COP1: variants seen among roughly 807,000 people sequenced by gnomAD.
COP1 encodes E3 ubiquitin-protein ligase COP1.
A neutral mutation model predicts 101.3 loss-of-function variants in COP1; 24 were observed. The ratio of observed to expected loss-of-function variants is 0.24; its 90% CI spans 0.17 to 0.33. The LOEUF (loss-of-function observed/expected upper bound fraction) is 0.33, where lower values mean the gene tolerates loss of function less well. COP1 is among the 10% of genes least tolerant of loss of function. The pLI is 1.00. For synonymous variants in COP1, 347 were observed against 341.9 expected (o/e 1.01, Z -0.17); for missense variants, 663 against 906.2 (o/e 0.73, Z 3.45).
intron 6 of COP1, among the ~76,000 whole-genome samples, chr1:176,139,677 G>C (rs989764503): frequency 6.6e-6 from 1 of 152,130 alleles, no homozygotes; most frequent in African/African-American, 2.4e-5. Flanking sequence ...GATGGAGCTG[G>C]AAGCCATCAT....
chr1:176,004,113 A>G (rs527319566), intron 15 of COP1, among the ~76,000 whole-genome samples: 61 of 150,726 alleles, frequency 4.0e-4, no homozygotes, highest in African/African-American at 1.4e-3. Flanking sequence ...CTTTGAAGCA[A>G]TTGTGAATGG....
chr1:176,069,219 A>G (rs563782932), intron 11 of COP1, among the ~76,000 whole-genome samples: 11 of 152,258 alleles, frequency 7.2e-5, no homozygotes, highest in Non-Finnish European at 1.0e-4. Flanking sequence ...AAAAGAAATT[A>G]TATGTAATAC....
chr1:176,065,224 T>C (rs1476039949), intron 11 of COP1, among the ~76,000 whole-genome samples: 12 of 152,328 alleles, frequency 7.9e-5, no homozygotes, highest in East Asian at 7.7e-4. Flanking sequence ...AGTGTTAGTA[T>C]GTTATGGAAC....
intron 2 of COP1, among the ~76,000 whole-genome samples, chr1:176,183,495 C>G (rs904495502): frequency 6.6e-6 from 1 of 152,174 alleles, no homozygotes; most frequent in Non-Finnish European, 1.5e-5. Context: ...CTCTTATGCA[C>G]TGTTGGTGAG....
intron 9 of COP1, among the ~76,000 whole-genome samples, chr1:176,097,662 A>G (rs1054662071): frequency 2.0e-5 from 3 of 152,104 alleles, no homozygotes; most frequent in Admixed American, 6.5e-5. Context: ...TGAGGTCAGG[A>G]GTTCAAGACC....
chr1:176,081,375 AT>A (rs1294058968), intron 10 of COP1, 88 bp from the exon 11 acceptor site: 2 of 1,044,982 alleles, frequency 1.9e-6, no homozygotes, highest in Non-Finnish European at 2.7e-6. Flanking sequence ...TAAAATTTAT[AT>A]TCTAAATACA....
chr1:176,105,676 T>C (rs1684184522), intron 9 of COP1, among the ~76,000 whole-genome samples: 3 of 152,226 alleles, frequency 2.0e-5, no homozygotes, highest in Admixed American at 1.3e-4. Flanking sequence ...CCCTTGCCTA[T>C]GCTATAGAAT....
chr1:175,967,034 A>T (rs2148571339), intron 18 of COP1, among the ~76,000 whole-genome samples: 1 of 152,332 alleles, frequency 6.6e-6, no homozygotes, highest in Admixed American at 6.5e-5. Flanking sequence ...CTTCTCCACT[A>T]GTATCCTTCC....
intron 8 of COP1, among the ~76,000 whole-genome samples, chr1:176,128,019 T>C (rs1350507905): frequency 1.2e-5 from 1 of 80,608 alleles, no homozygotes. Context: ...TGTCTTCTTT[T>C]CTATGTCTTC....
chr1:175,990,158 T>G (rs1403577356), intron 15 of COP1, among the ~76,000 whole-genome samples: 1 of 152,120 alleles, frequency 6.6e-6, no homozygotes, highest in African/African-American at 2.4e-5. Context: ...CCATTTTCAT[T>G]CAGTTTAAAA....
intron 2 of COP1, among the ~76,000 whole-genome samples, chr1:176,176,334 GCAAA>G (rs1480816286): frequency 3.3e-5 from 5 of 152,222 alleles, no homozygotes; most frequent in African/African-American, 1.2e-4. Context: ...GCTCAGTTAA[GCAAA>G]CAGACTATTC....
intron 9 of COP1, among the ~76,000 whole-genome samples, chr1:176,107,786 G>A (rs888848359): frequency 1.3e-5 from 2 of 152,142 alleles, no homozygotes; most frequent in Admixed American, 6.5e-5. Context: ...GATACCATAT[G>A]CCTCCAGATA....
intron 11 of COP1, among the ~76,000 whole-genome samples, chr1:176,056,548 T>G (rs1024432578): frequency 7.9e-5 from 12 of 152,166 alleles, no homozygotes; most frequent in African/African-American, 2.9e-4. Context: ...GAGATTGATC[T>G]AATGCTTTCT....
chr1:176,008,366 C>A (rs1350176161), intron 15 of COP1, among the ~76,000 whole-genome samples: 3 of 152,200 alleles, frequency 2.0e-5, no homozygotes, highest in Non-Finnish European at 4.4e-5. Flanking sequence ...CTTTGCTCCT[C>A]CTGATTCTTT....
chr1:175,945,200 A>G, intron 19 of COP1, 30 bp from the exon 20 acceptor site: 6 of 1,498,108 alleles, frequency 4.0e-6, no homozygotes, highest in Non-Finnish European at 5.5e-6. Flanking sequence ...GATCCATTTA[A>G]TAAAATCATT....
chr1:176,033,429 AAAT>A (rs892584384), intron 14 of COP1, among the ~76,000 whole-genome samples: 4 of 151,832 alleles, frequency 2.6e-5, no homozygotes, highest in African/African-American at 7.3e-5. Context: ...CTCTGTCTCA[AAAT>A]AATAATAATA....
At chr1:175,989,833 A>C (rs922344891) in intron 15 of COP1, among the ~76,000 whole-genome samples, 3 of 152,194 alleles carry the variant, frequency 2.0e-5, no homozygotes, top group Non-Finnish European at 4.4e-5. Flanking sequence ...ATATAATAAA[A>C]TACACACACT....
At chr1:175,946,118 T>C (rs1033424348) in intron 19 of COP1, among the ~76,000 whole-genome samples, 1 of 152,142 alleles carries the variant, frequency 6.6e-6, no homozygotes, top group Non-Finnish European at 1.5e-5. Context: ...TGAGAGAGTA[T>C]AGAAAGCCAC....
chr1:175,996,063 T>C (rs1408845999), intron 15 of COP1, among the ~76,000 whole-genome samples: 4 of 152,190 alleles, frequency 2.6e-5, no homozygotes, highest in Non-Finnish European at 1.5e-5. Flanking sequence ...TCAAGTGGGC[T>C]TCATCCCTGG....
Sources: gnomAD v4.1 joint callset for allele counts (sites outside exome capture counted in the v4.1 genomes callset) on GRCh38, gnomAD v4.1.1 for gene constraint, MANE v1.5 for transcripts, NCBI Gene and HGNC (gene_info 2026-07-23, HGNC 2026-07-21) for gene names.